SLC67A2: variants seen among roughly 807,000 people sequenced by gnomAD.
SLC67A2 encodes solute carrier family 67 member A2.
the SLC67A2 span, among the ~76,000 whole-genome samples, chr2:102,728,059 G>T: frequency 6.6e-6 from 1 of 152,076 alleles, no homozygotes; most frequent in African/African-American, 2.4e-5. Context: ...AGGATGTTGA[G>T]CAAGACCACA....
At chr2:102,736,844 G>A in the SLC67A2 span, 46 of 1,571,752 alleles carry the variant, frequency 2.9e-5, no homozygotes, top group South Asian at 4.8e-4. Context: ...CGCAGCAGCA[G>A]CCGCGGACCT....
chr2:102,721,811 C>T, the SLC67A2 span, among the ~76,000 whole-genome samples: 2 of 152,158 alleles, frequency 1.3e-5, no homozygotes, highest in Admixed American at 6.5e-5. Flanking sequence ...CTCAAACAAT[C>T]CTCCTGCCTC....
the SLC67A2 span, chr2:102,723,892 G>C: frequency 7.2e-4 from 1,157 of 1,613,948 alleles, 2 homozygotes; most frequent in Non-Finnish European, 9.5e-4. Context: ...GAGATGGAGA[G>C]AGTGTGTTTA....
the SLC67A2 span, among the ~76,000 whole-genome samples, chr2:102,722,917 A>C: frequency 6.6e-6 from 1 of 152,234 alleles, no homozygotes; most frequent in African/African-American, 2.4e-5. Context: ...TTAATATCCA[A>C]ACTATACAAG....
chr2:102,729,647 ACT>A, the SLC67A2 span, among the ~76,000 whole-genome samples: 17 of 152,080 alleles, frequency 1.1e-4, no homozygotes, highest in Admixed American at 1.0e-3. Flanking sequence ...ATGACAGATG[ACT>A]CTTAGAAAAA....
chr2:102,725,199 C>T, the SLC67A2 span, among the ~76,000 whole-genome samples: 68 of 152,238 alleles, frequency 4.5e-4, no homozygotes, highest in African/African-American at 1.5e-3. Context: ...TTTTAGGACA[C>T]AAGGATCTGA....
chr2:102,718,504 C>T, the SLC67A2 span: 2 of 1,614,068 alleles, frequency 1.2e-6, no homozygotes, highest in Non-Finnish European at 1.7e-6. Flanking sequence ...CTAAGGCTAA[C>T]ACAGCGCCCA....
chr2:102,724,248 G>A, the SLC67A2 span, among the ~76,000 whole-genome samples: 1 of 152,044 alleles, frequency 6.6e-6, no homozygotes, highest in African/African-American at 2.4e-5. Flanking sequence ...TTTCACGGTG[G>A]CTTCCATAAA....
the SLC67A2 span, among the ~76,000 whole-genome samples, chr2:102,728,087 A>C: frequency 6.6e-6 from 1 of 152,238 alleles, no homozygotes; most frequent in East Asian, 1.9e-4. Flanking sequence ...CCTAGGAGGA[A>C]GCCTGCCATT....
chr2:102,717,879 T>C, the SLC67A2 span: 3 of 154,010 alleles, frequency 1.9e-5, no homozygotes, highest in African/African-American at 7.2e-5. Context: ...TAAGCAGCTT[T>C]GAAAAGCGAC....
the SLC67A2 span, among the ~76,000 whole-genome samples, chr2:102,731,757 T>C: frequency 6.6e-6 from 1 of 152,244 alleles, no homozygotes; most frequent in African/African-American, 2.4e-5. Context: ...GTCTCAACAA[T>C]TTCCCATTAG....
the SLC67A2 span, among the ~76,000 whole-genome samples, chr2:102,720,006 C>A: frequency 6.6e-6 from 1 of 152,220 alleles, no homozygotes; most frequent in Non-Finnish European, 1.5e-5. Flanking sequence ...CCTCTGTCCT[C>A]ATAGGACTAG....
At chr2:102,715,932 G>C in the SLC67A2 span, 2 of 152,090 alleles carry the variant, frequency 1.3e-5, no homozygotes, top group Non-Finnish European at 2.9e-5. Flanking sequence ...AGTTTGCTGT[G>C]CAAAAAATCA....
At chr2:102,722,644 C>A in the SLC67A2 span, among the ~76,000 whole-genome samples, 1 of 152,014 alleles carries the variant, frequency 6.6e-6, no homozygotes, top group Non-Finnish European at 1.5e-5. Context: ...AAAATCAACT[C>A]AAAATGGATT....
At chr2:102,723,808 C>T in the SLC67A2 span, 39 of 1,614,012 alleles carry the variant, frequency 2.4e-5, no homozygotes, top group South Asian at 1.2e-4. Flanking sequence ...AAGCCCACAC[C>T]GGAGGCTGTG....
At chr2:102,723,791 C>G in the SLC67A2 span, 1 of 1,614,036 alleles carries the variant, frequency 6.2e-7, no homozygotes, top group Non-Finnish European at 8.5e-7. Flanking sequence ...CCACGGGGCC[C>G]AAGATGAAGC....
chr2:102,723,646 G>T, the SLC67A2 span: 2 of 1,511,262 alleles, frequency 1.3e-6, no homozygotes, highest in East Asian at 2.3e-5. Flanking sequence ...AGAAAAGTAG[G>T]TAAATTGGTC....
At chr2:102,736,466 C>A in the SLC67A2 span, 2 of 1,453,894 alleles carry the variant, frequency 1.4e-6, no homozygotes, top group Non-Finnish European at 9.0e-7. Flanking sequence ...AGCAGTGTGG[C>A]CAGATGCAGA....
chr2:102,720,423 G>A, the SLC67A2 span, among the ~76,000 whole-genome samples: 4 of 152,268 alleles, frequency 2.6e-5, no homozygotes, highest in East Asian at 7.7e-4. Context: ...TGATGATGAT[G>A]ATGGCAACTA....
Sources: gnomAD v4.1 joint callset for allele counts (sites outside exome capture counted in the v4.1 genomes callset) on GRCh38, gnomAD v4.1.1 for gene constraint, MANE v1.5 for transcripts, NCBI Gene and HGNC (gene_info 2026-07-23, HGNC 2026-07-21) for gene names.